MKLN1: variants seen among roughly 807,000 people sequenced by gnomAD.
MKLN1 encodes the protein muskelin.
A neutral mutation model predicts 99.0 loss-of-function variants in MKLN1; 18 were observed. The observed-to-expected ratio is 0.18, with a 90% CI of 0.13 to 0.27. The LOEUF is 0.27. Ranked by LOEUF, MKLN1 falls within the 10% of genes least tolerant of loss-of-function variation. MKLN1 has a pLI of 1.00. For synonymous variants in MKLN1, 288 were observed against 293.2 expected (o/e 0.98, Z 0.18); for missense variants, 621 against 875.9 (o/e 0.71, Z 3.67).
intron 3 of MKLN1, among the ~76,000 whole-genome samples, chr7:131,309,098 T>G (rs920539761): frequency 2.6e-5 from 4 of 152,198 alleles, no homozygotes; most frequent in Non-Finnish European, 5.9e-5. Flanking sequence ...ACTAGACAGA[T>G]TATAATTTCC....
chr7:131,240,195 A>G (rs1465948040), intron 3 of MKLN1, among the ~76,000 whole-genome samples: 2 of 151,932 alleles, frequency 1.3e-5, no homozygotes, highest in Non-Finnish European at 2.9e-5. Flanking sequence ...AAACAAACAA[A>G]ACTAATGGTG....
chr7:131,349,480 C>T (rs536987521), intron 1 of MKLN1, among the ~76,000 whole-genome samples: 16 of 152,300 alleles, frequency 1.1e-4, no homozygotes, highest in Middle Eastern at 3.4e-3. Context: ...AGGCATGAGC[C>T]GCCGCACCCG....
At chr7:131,273,422 C>CT (rs1797916679) in intron 3 of MKLN1, among the ~76,000 whole-genome samples, 1 of 152,174 alleles carries the variant, frequency 6.6e-6, no homozygotes, top group Non-Finnish European at 1.5e-5. Context: ...TGCCCCTGCA[C>CT]TTTCTGAGTT....
chr7:131,204,846 A>G (rs1459353011), intron 3 of MKLN1, among the ~76,000 whole-genome samples: 1 of 151,778 alleles, frequency 6.6e-6, no homozygotes, highest in Non-Finnish European at 1.5e-5. Flanking sequence ...AGGCAGGAGA[A>G]TGGCGTGAAC....
intron 9 of MKLN1, among the ~76,000 whole-genome samples, chr7:131,431,860 G>A (rs1443889695): frequency 4.6e-5 from 7 of 151,944 alleles, no homozygotes; most frequent in Non-Finnish European, 8.8e-5. Flanking sequence ...CAACTTTCTC[G>A]CCTGTGTCCT....
At chr7:131,443,390 T>G in intron 10 of MKLN1, 91 bp from the exon 11 acceptor site, 2 of 905,414 alleles carry the variant, frequency 2.2e-6, no homozygotes, top group Non-Finnish European at 3.6e-6. Context: ...AGGGTTTTTT[T>G]GAGAATGTAA....
At chr7:131,287,085 G>C (rs1798142840) in intron 3 of MKLN1, among the ~76,000 whole-genome samples, 1 of 151,016 alleles carries the variant, frequency 6.6e-6, no homozygotes, top group Non-Finnish European at 1.5e-5. Context: ...CTGGGTAACA[G>C]AGTGAAATGA....
At chr7:131,372,878 C>A (rs1385982463) in intron 1 of MKLN1, among the ~76,000 whole-genome samples, 1 of 151,666 alleles carries the variant, frequency 6.6e-6, no homozygotes, top group African/African-American at 2.4e-5. Context: ...TTTTCTTTTT[C>A]TTTTTCTTTC....
intron 4 of MKLN1, among the ~76,000 whole-genome samples, chr7:131,389,913 A>G (rs1350983690): frequency 6.6e-6 from 1 of 151,926 alleles, no homozygotes; most frequent in African/African-American, 2.4e-5. Context: ...AAAAAAAAAT[A>G]CTTCTAATTT....
At chr7:131,116,970 T>C (rs1795287048) in intron 1 of MKLN1, among the ~76,000 whole-genome samples, 1 of 152,140 alleles carries the variant, frequency 6.6e-6, no homozygotes, top group African/African-American at 2.4e-5. Context: ...TTTTTAAATG[T>C]ACAAAGCCTT....
At chr7:131,450,918 G>A (rs1484612822) in intron 12 of MKLN1, among the ~76,000 whole-genome samples, 2 of 151,900 alleles carry the variant, frequency 1.3e-5, no homozygotes, top group African/African-American at 4.9e-5. Context: ...GAAATACACA[G>A]ACTTGTTCAT....
At chr7:131,364,070 A>G (rs1054909848) in intron 1 of MKLN1, among the ~76,000 whole-genome samples, 4 of 152,116 alleles carry the variant, frequency 2.6e-5, no homozygotes, top group African/African-American at 4.8e-5. Context: ...AAACCTCTGC[A>G]GTATATGTAA....
intron 1 of MKLN1, among the ~76,000 whole-genome samples, chr7:131,129,256 A>T (rs924754677): frequency 6.6e-6 from 1 of 152,170 alleles, no homozygotes; most frequent in Non-Finnish European, 1.5e-5. Flanking sequence ...CTCATACCAC[A>T]TTGGGAATAT....
chr7:131,311,823 T>G (rs949758768), intron 3 of MKLN1, among the ~76,000 whole-genome samples: 1 of 116,314 alleles, frequency 8.6e-6, no homozygotes, highest in Non-Finnish European at 2.1e-5. Flanking sequence ...AGAATCTCTC[T>G]TTCCCATTTT....
At chr7:131,110,486 A>C (rs190141726) in intron 1 of MKLN1, among the ~76,000 whole-genome samples, 1 of 152,192 alleles carries the variant, frequency 6.6e-6, no homozygotes, top group Non-Finnish European at 1.5e-5. Flanking sequence ...GAGAAGTATC[A>C]GCCCATCGGC....
intron 1 of MKLN1, among the ~76,000 whole-genome samples, chr7:131,126,051 T>TAA (rs201498095): frequency 8.2e-5 from 9 of 109,112 alleles, no homozygotes; most frequent in South Asian, 5.3e-4. Context: ...AATAAATAAA[T>TAA]TAATTAATTA....
At chr7:131,175,246 GGATA>G (rs760615190) in intron 2 of MKLN1, among the ~76,000 whole-genome samples, 36 of 50,956 alleles carry the variant, frequency 7.1e-4, no homozygotes, top group East Asian at 4.4e-3. Context: ...ATGGATGGAT[GGATA>G]GATAGATAGA....
At chr7:131,436,059 A>C (rs1170245882) in intron 9 of MKLN1, among the ~76,000 whole-genome samples, 1 of 152,114 alleles carries the variant, frequency 6.6e-6, no homozygotes, top group Non-Finnish European at 1.5e-5. Flanking sequence ...TTTTGAGATT[A>C]TTTATGGAGG....
intron 3 of MKLN1, among the ~76,000 whole-genome samples, chr7:131,287,936 T>C (rs1031080378): frequency 6.6e-6 from 1 of 152,164 alleles, no homozygotes. Flanking sequence ...AAGGTCCTTG[T>C]TTCCCCTTTG....
Sources: allele counts gnomAD v4.1 joint callset (sites outside exome capture counted in the v4.1 genomes callset), GRCh38; gene constraint gnomAD v4.1.1; transcripts MANE v1.5; gene names NCBI Gene and HGNC (gene_info 2026-07-23, HGNC 2026-07-21).